Variants in WNT5B observed in about 807,000 individuals in gnomAD.
WNT5B encodes the protein protein Wnt-5b.
In WNT5B, 18 loss-of-function variants were observed where a neutral mutation model predicts 36.5. The observed-to-expected ratio is 0.49, with a 90% CI of 0.34 to 0.73. The LOEUF is 0.73. Among genes scored for constraint, WNT5B ranks in the 30% least tolerant of loss-of-function variants. WNT5B has a pLI of 0.01. For synonymous variants in WNT5B, 213 were observed against 212.3 expected (o/e 1.00, Z -0.03); for missense variants, 424 against 508.4 (o/e 0.83, Z 1.60).
upstream of WNT5B, among the ~76,000 whole-genome samples, chr12:1,628,238 C>T (rs1455699874): frequency 6.6e-6 from 1 of 151,962 alleles, no homozygotes; most frequent in Non-Finnish European, 1.5e-5. Context: ...TCACTGCAAC[C>T]TCCACCTCCC....
chr12:1,645,041 T>A (rs578256241), intron 4 of WNT5B: 1 of 152,362 alleles, frequency 6.6e-6, no homozygotes, highest in East Asian at 1.9e-4. Context: ...CTGATGACTC[T>A]ATGGAGTTAG....
intron 1 of WNT5B, among the ~76,000 whole-genome samples, 189 bp downstream of exon 1, chr12:1,629,560 A>G (rs1320498314): frequency 1.3e-5 from 2 of 151,930 alleles, no homozygotes; most frequent in African/African-American, 4.8e-5. Flanking sequence ...AGGAGGCTGG[A>G]GAAGCAGGAG....
chr12:1,631,229 C>A, intron 1 of WNT5B, 69 bp from the exon 2 acceptor site: 1 of 1,428,008 alleles, frequency 7.0e-7, no homozygotes, highest in South Asian at 1.3e-5. Context: ...TTCTCCGCCT[C>A]ACCCCGGCTC....
At chr12:1,642,956 T>C (rs2094578287) in intron 4 of WNT5B, among the ~76,000 whole-genome samples, 1 of 152,230 alleles carries the variant, frequency 6.6e-6, no homozygotes, top group African/African-American at 2.4e-5. Context: ...AGTCACCATC[T>C]GAGGCCAGAG....
intron 1 of WNT5B, among the ~76,000 whole-genome samples, chr12:1,623,211 TTTG>T: frequency 1.4e-5 from 2 of 141,788 alleles, no homozygotes; most frequent in African/African-American, 5.4e-5. Context: ...TTTTTTTTTT[TTTG>T]AGACGGAGTC....
In WNT5B at chr12:1,632,742, C is replaced by T. The variant is rs1221420564; in HGVS notation, c.165C>T (p.Ser55=). ...TGTGCAGTCAGCTTCCCGGGCTCTC[C>T]CCTGGCCAGAGGAAGCTGTGCCAAT... is the stretch of plus-strand genomic sequence containing the variant. ...QPVCSQLPGL[S]PGQRKLCQLY... Residue 55 remains serine (S), a synonymous_variant, in exon 3 of 5, where the codon TCC becomes TCT. Coordinates refer to ENST00000397196, the MANE Select transcript of WNT5B (RefSeq NM_032642.3). This position sits in a 1 kb window ranked among gnomAD's most constrained non-coding sequence, Gnocchi z 5.8. 1 of 1,614,040 alleles carries T rather than the reference C, an allele frequency of 6.2e-7. No homozygotes were observed. Among genetic ancestry groups the T allele is most frequent in the East Asian group, 2.2e-5 (1 of 44,898 alleles).
At chr12:1,624,633 G>T (rs1048258454), upstream of WNT5B, among the ~76,000 whole-genome samples, 3 of 152,166 alleles carry the variant, frequency 2.0e-5, no homozygotes, top group Admixed American at 1.3e-4. Context: ...TGCACTAAGA[G>T]GTGCTCAATA....
chr12:1,633,050 G>C lies in WNT5B; in HGVS notation c.328+145G>C. 1 of 1,215,552 alleles carries C rather than the reference G, an allele frequency of 8.2e-7. No individual in the cohort carries two copies. Among genetic ancestry groups the C allele is most frequent in the South Asian group, 1.6e-5 (1 of 61,992 alleles). The allele number at this position is 1,215,552 out of a possible 1,614,324, so 75.3% of individuals were successfully genotyped here. A position where few individuals can be genotyped will look rare whatever the true frequency, so the allele number is the denominator to read the frequency against. ...TAGGCTTGGCAGCAGTGTGCACCAC[G>C]AGAGAGGCACACGAGGAAGCAGGCT... On this transcript the variant is annotated intron_variant, in intron 3 of 4. Coordinates refer to ENST00000397196, the MANE Select transcript of WNT5B (RefSeq NM_032642.3). This position sits in a 1 kb window ranked among gnomAD's most constrained non-coding sequence, Gnocchi z 4.8.
upstream of WNT5B, among the ~76,000 whole-genome samples, chr12:1,627,431 C>T (rs1401381350): frequency 6.6e-6 from 1 of 152,160 alleles, no homozygotes; most frequent in East Asian, 1.9e-4. The surrounding 1 kb of genome is among the most constrained non-coding windows in gnomAD (Gnocchi z 5.0). Context: ...GAAATCAACC[C>T]CTCATCCTGT....
chr12:1,632,778 G>A lies in WNT5B; in HGVS notation c.201G>A (p.Glu67=). Residue 67 remains glutamate (E), a synonymous_variant, in exon 3 of 5, where the codon GAG becomes GAA. Transcript: ENST00000397196. The surrounding 1 kb of genome is among the most constrained non-coding windows in gnomAD (Gnocchi z 5.8). ...GQRKLCQLYQ[E]HMAYIGEGAK... ...GGAAGCTGTGCCAATTGTACCAGGA[G>A]CACATGGCCTACATAGGGGAGGGAG... 6.2e-7 allele frequency: 1 copy of A among 1,614,198 alleles called. No individual in the cohort carries two copies. Among genetic ancestry groups the A allele is most frequent in the Non-Finnish European group, 8.5e-7 (1 of 1,180,022 alleles).
At chr12:1,639,207 A>G (rs61914789) in intron 3 of WNT5B, among the ~76,000 whole-genome samples, 95,296 of 147,334 alleles carry the variant, frequency 0.65, 31,669 homozygotes, top group East Asian at 0.74. Flanking sequence ...GCGCGGTCTC[A>G]GCTCCCTGCA....
In WNT5B at chr12:1,632,998, C is replaced by G; in HGVS notation, c.328+93C>G. The G allele has an allele frequency of 6.6e-7, 1 of 1,503,908 alleles. No homozygotes were observed. The highest frequency in any genetic ancestry group is 8.9e-7 in the Non-Finnish European group (1 of 1,126,336). The allele number at this position is 1,503,908 out of a possible 1,614,324, so 93.2% of individuals were successfully genotyped here. On this transcript the variant is annotated intron_variant, in intron 3 of 4. Transcript: ENST00000397196. The surrounding 1 kb of genome is among the most constrained non-coding windows in gnomAD (Gnocchi z 5.8). ...CTCTCAGGACTGGCACAGGGAGAGC[C>G]CAAAGGCAGCCTAAGTGGGCTCTCT...
At chr12:1,619,430 G>A (rs2094530921) in intron 1 of WNT5B, among the ~76,000 whole-genome samples, 1 of 152,178 alleles carries the variant, frequency 6.6e-6, no homozygotes, top group Non-Finnish European at 1.5e-5. Flanking sequence ...AAATAATTAA[G>A]GCTGGCAGGG....
chr12:1,632,303 G>A lies in WNT5B; in HGVS notation c.81-355G>A, dbSNP rs968488886. ...AATGAAGAGCTGCTCCCCACCCCTC[G>A]TCTTCTTATCTGCCTGACCCCCATT... On this transcript the variant is annotated intron_variant, in intron 2 of 4. Transcript: ENST00000397196. The surrounding 1 kb of genome is among the most constrained non-coding windows in gnomAD (Gnocchi z 5.8). Among the ~76,000 whole-genome samples, 8 of 151,998 alleles carry A rather than the reference G, an allele frequency of 5.3e-5. No individual in the cohort carries two copies. Among genetic ancestry groups the A allele is most frequent in the Admixed American group, 3.3e-4 (5 of 15,260 alleles).
chr12:1,635,650 T>A (rs1156636342), intron 3 of WNT5B, among the ~76,000 whole-genome samples: 2 of 152,232 alleles, frequency 1.3e-5, no homozygotes, highest in Admixed American at 6.5e-5. Context: ...GGAGGCTCCC[T>A]CCGTTCCAGG....
At position 1,639,604 on chromosome 12, in the gene WNT5B, C is replaced by G; in HGVS notation, c.329-80C>G. 2.8e-6 allele frequency: 4 copies of G among 1,412,072 alleles called. No individual in the cohort carries two copies. The East Asian group carries it at 1.1e-4, about 38-fold the overall frequency. 87.5% of individuals were successfully genotyped at this position (1,412,072 alleles called of 1,614,324 possible). ...GTCAGCAGAGCCGTGGCGTGCGGGT[C>G]CGTCGGGGGAGACGGGGGGAAGGAC... On this transcript the variant is annotated intron_variant, in intron 3 of 4. Coordinates refer to ENST00000397196, the MANE Select transcript of WNT5B (RefSeq NM_032642.3).
In WNT5B at chr12:1,639,670, G is replaced by T; in HGVS notation, c.329-14G>T. The T allele has an allele frequency of 6.6e-7, 1 of 1,526,588 alleles. No homozygotes were observed. Among genetic ancestry groups the T allele is most frequent in the Non-Finnish European group, 8.7e-7 (1 of 1,146,996 alleles). The allele number at this position is 1,526,588 out of a possible 1,614,324, so 94.6% of individuals were successfully genotyped here. A position where few individuals can be genotyped will look rare whatever the true frequency, so the allele number is the denominator to read the frequency against. On this transcript the variant is annotated splice_polypyrimidine_tract_variant and intron_variant, in intron 3 of 4. Coordinates refer to ENST00000397196, the MANE Select transcript of WNT5B (RefSeq NM_032642.3). Reference sequence around the variant, plus strand: ...GAGAGCGCACCCGCTTACCGCCCTGGCCTCATTCTGCAGGCAGCCGAGAGA... The same window carrying T: ...GAGAGCGCACCCGCTTACCGCCCTGTCCTCATTCTGCAGGCAGCCGAGAGA...
intron 1 of WNT5B, among the ~76,000 whole-genome samples, chr12:1,622,192 G>A (rs536584660): frequency 1.0e-4 from 15 of 148,076 alleles, no homozygotes; most frequent in East Asian, 6.0e-4. Flanking sequence ...CTCACTGCAA[G>A]CTCCGCTTCC....
intron 3 of WNT5B, 61 bp from the exon 4 acceptor site, chr12:1,639,623 G>A: frequency 7.0e-7 from 1 of 1,430,614 alleles, no homozygotes. Flanking sequence ...GAGACGGGGG[G>A]AAGGACAGGT....
Sources: allele counts gnomAD v4.1 joint callset (sites outside exome capture counted in the v4.1 genomes callset), GRCh38; gene constraint gnomAD v4.1.1; non-coding constraint Gnocchi (gnomAD v3.1); transcripts MANE v1.5; gene names NCBI Gene and HGNC (gene_info 2026-07-23, HGNC 2026-07-21).